Variants in SPOCK3 observed in about 807,000 individuals in gnomAD.
SPOCK3 encodes the protein SPARC (osteonectin), cwcv and kazal like domains proteoglycan 3, also known as testican-3.
A neutral mutation model predicts 56.6 loss-of-function variants in SPOCK3; 30 were observed. The ratio of observed to expected loss-of-function variants is 0.53; its 90% CI spans 0.40 to 0.72. The LOEUF is 0.72. Among genes scored for constraint, SPOCK3 ranks in the 30% least tolerant of loss-of-function variants. The probability of loss-of-function intolerance (pLI) is 0.00; values close to 1 mark genes in which losing one functional copy is unlikely to be tolerated. For missense variants in SPOCK3, 527 were observed against 530.0 expected (o/e 0.99, Z 0.06); for synonymous variants, 196 against 183.3 (o/e 1.07, Z -0.56).
At chr4:167,175,849 A>G (rs1174372833) in intron 2 of SPOCK3, among the ~76,000 whole-genome samples, 7 of 152,146 alleles carry the variant, frequency 4.6e-5, no homozygotes, top group Admixed American at 1.3e-4. Flanking sequence ...GCAAACTAAT[A>G]CAATACTATC....
intron 8 of SPOCK3, among the ~76,000 whole-genome samples, chr4:166,744,176 C>A (rs531056064): frequency 6.6e-6 from 1 of 152,164 alleles, no homozygotes; most frequent in African/African-American, 2.4e-5. Flanking sequence ...CCCTGACCCC[C>A]GAGTAGCCTA....
At chr4:166,762,478 A>G (rs547157047) in intron 7 of SPOCK3, among the ~76,000 whole-genome samples, 6 of 151,970 alleles carry the variant, frequency 3.9e-5, no homozygotes, top group Non-Finnish European at 7.4e-5. Context: ...TGGCAGGAAA[A>G]GAACACTGGG....
chr4:166,782,178 C>T (rs947984087), intron 7 of SPOCK3, among the ~76,000 whole-genome samples: 5 of 152,186 alleles, frequency 3.3e-5, no homozygotes, highest in African/African-American at 1.2e-4. Context: ...TATAGTTCCT[C>T]CACTGTACTA....
intron 3 of SPOCK3, among the ~76,000 whole-genome samples, chr4:167,042,524 G>A (rs1284309317): frequency 6.6e-6 from 1 of 152,102 alleles, no homozygotes; most frequent in Non-Finnish European, 1.5e-5. Context: ...ACTTTTGTCT[G>A]TTAAAGTCCT....
chr4:167,220,667 G>A (rs1440181510), intron 2 of SPOCK3, among the ~76,000 whole-genome samples: 4 of 151,886 alleles, frequency 2.6e-5, no homozygotes, highest in East Asian at 1.9e-4. Context: ...ATTAACAGGC[G>A]TGAGCCATCC....
At chr4:167,129,585 T>A (rs972663292) in intron 2 of SPOCK3, among the ~76,000 whole-genome samples, 1 of 152,168 alleles carries the variant, frequency 6.6e-6, no homozygotes, top group African/African-American at 2.4e-5. Context: ...TTTTCAGATA[T>A]AATATTTCTT....
chr4:167,145,774 AC>A (rs1487327222), intron 2 of SPOCK3, among the ~76,000 whole-genome samples: 2 of 152,272 alleles, frequency 1.3e-5, no homozygotes, highest in East Asian at 1.9e-4. Flanking sequence ...GATTTTTGTC[AC>A]CACCAGGCAT....
At chr4:166,900,313 AC>A (rs1735898727) in intron 5 of SPOCK3, among the ~76,000 whole-genome samples, 1 of 152,104 alleles carries the variant, frequency 6.6e-6, no homozygotes, top group African/African-American at 2.4e-5. Context: ...GCTCCCGACC[AC>A]CCACAAGAAT....
intron 2 of SPOCK3, among the ~76,000 whole-genome samples, chr4:167,185,913 A>G (rs1731909344): frequency 6.6e-6 from 1 of 152,220 alleles, no homozygotes; most frequent in African/African-American, 2.4e-5. Flanking sequence ...ACTGTATTAC[A>G]GAAAGGGGAC....
At chr4:166,817,613 C>T (rs941615368) in intron 6 of SPOCK3, among the ~76,000 whole-genome samples, 6 of 151,986 alleles carry the variant, frequency 3.9e-5, no homozygotes, top group East Asian at 3.9e-4. Flanking sequence ...GTCAACACTT[C>T]CTCATCCTGA....
chr4:167,130,075 G>A (rs1232162758), intron 2 of SPOCK3, among the ~76,000 whole-genome samples: 1 of 152,062 alleles, frequency 6.6e-6, no homozygotes, highest in Non-Finnish European at 1.5e-5. Flanking sequence ...GAGTGCAGTG[G>A]CATAATCATA....
chr4:167,147,470 A>G (rs932787977), intron 2 of SPOCK3, among the ~76,000 whole-genome samples: 4 of 152,184 alleles, frequency 2.6e-5, no homozygotes, highest in South Asian at 4.1e-4. Context: ...GTATATACCC[A>G]AAGGATTATA....
chr4:167,146,988 C>A (rs558848267), intron 2 of SPOCK3, among the ~76,000 whole-genome samples: 1 of 151,792 alleles, frequency 6.6e-6, no homozygotes, highest in Non-Finnish European at 1.5e-5. Flanking sequence ...GATAGAGACA[C>A]GAAAAACCCT....
At chr4:166,951,901 C>A (rs1051304656) in intron 4 of SPOCK3, among the ~76,000 whole-genome samples, 2 of 152,164 alleles carry the variant, frequency 1.3e-5, no homozygotes, top group African/African-American at 4.8e-5. Flanking sequence ...GCTAAAAACT[C>A]TCAAAAAATT....
chr4:166,966,912 C>T (rs989523288), intron 4 of SPOCK3, among the ~76,000 whole-genome samples: 2 of 151,978 alleles, frequency 1.3e-5, no homozygotes, highest in Admixed American at 6.6e-5. Flanking sequence ...GTGTCATGAG[C>T]CCCATAGATT....
chr4:167,223,795 A>G (rs1006756345), intron 2 of SPOCK3, among the ~76,000 whole-genome samples: 3 of 152,122 alleles, frequency 2.0e-5, no homozygotes, highest in Admixed American at 2.0e-4. Flanking sequence ...AAAAAATTAA[A>G]TTAAAAGTGA....
chr4:166,851,222 C>T (rs958731526), intron 6 of SPOCK3, among the ~76,000 whole-genome samples: 8 of 152,262 alleles, frequency 5.3e-5, no homozygotes, highest in East Asian at 1.9e-4. Flanking sequence ...ACACCTCACA[C>T]GGCCGGGTAC....
At chr4:167,148,449 A>T (rs1764157823) in intron 2 of SPOCK3, among the ~76,000 whole-genome samples, 1 of 152,162 alleles carries the variant, frequency 6.6e-6, no homozygotes, top group Non-Finnish European at 1.5e-5. Flanking sequence ...TAGTGGCTTA[A>T]GTATTATAAA....
At chr4:167,001,001 C>G (rs1318431738) in intron 3 of SPOCK3, among the ~76,000 whole-genome samples, 1 of 152,172 alleles carries the variant, frequency 6.6e-6, no homozygotes, top group East Asian at 1.9e-4. Flanking sequence ...TCTGCATTTT[C>G]ATTTTTACAT....
Sources: allele counts gnomAD v4.1 joint callset (sites outside exome capture counted in the v4.1 genomes callset), GRCh38; gene constraint gnomAD v4.1.1; transcripts MANE v1.5; gene names NCBI Gene and HGNC (gene_info 2026-07-23, HGNC 2026-07-21).